The following CACNA1C variants were observed in gnomAD, a reference collection of about 807,000 sequenced individuals.
The protein encoded by CACNA1C is voltage-dependent L-type calcium channel subunit alpha-1C.
In CACNA1C, 30 loss-of-function variants were observed where a neutral mutation model predicts 229.0. That is an observed-to-expected ratio of 0.13 (90% confidence interval 0.10 to 0.18). CACNA1C has a LOEUF of 0.18. Ranked by LOEUF, CACNA1C falls within the 10% of genes least tolerant of loss-of-function variation. The probability of loss-of-function intolerance (pLI) is 1.00; values close to 1 mark genes in which losing one functional copy is unlikely to be tolerated. For missense variants in CACNA1C, 1,658 were observed against 2,845.0 expected, an observed-to-expected ratio of 0.58 and a Z score of 9.49; for synonymous variants, 1,114 against 1,132.5, an observed-to-expected ratio of 0.98 and a Z score of 0.33.
chr12:2,582,740 C>T (rs963962957), intron 14 of CACNA1C, 82 bp from the exon 15 acceptor site: 98 of 1,485,104 alleles, frequency 6.6e-5, no homozygotes, highest in Admixed American at 4.3e-4. Context: ...ATTTTGTTGA[C>T]GTAGTGGGGC....
At chr12:2,688,323 G>A (rs1457524146) in intron 45 of CACNA1C, 124 bp from the exon 46 acceptor site, 1 of 815,232 alleles carries the variant, frequency 1.2e-6, no homozygotes. Flanking sequence ...AATGGCATGG[G>A]AATACCAGGC....
chr12:2,386,079 T>C (rs1236327261), intron 3 of CACNA1C, among the ~76,000 whole-genome samples: 1 of 152,244 alleles, frequency 6.6e-6, no homozygotes, highest in Non-Finnish European at 1.5e-5. Flanking sequence ...TTTCTATTGA[T>C]TGTATCTGCT....
intron 1 of CACNA1C, among the ~76,000 whole-genome samples, chr12:2,074,997 C>A (rs1027187990): frequency 3.9e-5 from 6 of 152,208 alleles, no homozygotes; most frequent in Non-Finnish European, 5.9e-5. Context: ...GTGGAGGGAG[C>A]TCCAGTGGAG....
chr12:2,579,065 C>T (rs1346672271), intron 13 of CACNA1C, among the ~76,000 whole-genome samples: 1 of 152,136 alleles, frequency 6.6e-6, no homozygotes, highest in Non-Finnish European at 1.5e-5. Flanking sequence ...CCTCTCTGCT[C>T]CTCATCTGGG....
At chr12:2,022,651 T>G (rs946125390) in intron 1 of CACNA1C, among the ~76,000 whole-genome samples, 3 of 151,884 alleles carry the variant, frequency 2.0e-5, no homozygotes, top group African/African-American at 7.3e-5. Context: ...CTCTATGTTG[T>G]CCAGTCTGGT....
chr12:2,655,080 C>G (rs2095342417), intron 33 of CACNA1C, 67 bp from the exon 34 acceptor site: 5 of 959,624 alleles, frequency 5.2e-6, no homozygotes, highest in Non-Finnish European at 6.7e-6. Flanking sequence ...GACCATTGAA[C>G]AATGGTGGGA....
At chr12:2,610,302 C>T (rs142674224) in intron 27 of CACNA1C, among the ~76,000 whole-genome samples, 40 of 152,240 alleles carry the variant, frequency 2.6e-4, no homozygotes, top group African/African-American at 9.6e-4. Context: ...GACCTTGTTA[C>T]GGGGATTTGA....
rs1391775151 is a variant in CACNA1C, at chr12:2,191,825, CACAT to C, written c.477+71399_477+71402del. ...GTACACAGGCACACGTATGCACACA[CACAT>C]ACACAGGCACACACATGCACTCACA... On this transcript the variant is annotated intron_variant, in intron 3 of 46. Transcript: ENST00000399655. Among the ~76,000 whole-genome samples the C allele has an allele frequency of 5.5e-5, 7 of 127,066 alleles. No homozygotes were observed. In the South Asian group the frequency reaches 8.0e-4, roughly 15 times the overall value. The allele number at this position is 127,066 out of a possible 152,430, so 83.4% of individuals were successfully genotyped here. A position where few individuals can be genotyped will look rare whatever the true frequency, so the allele number is the denominator to read the frequency against.
chr12:2,510,381 A>T (rs1004996144), intron 8 of CACNA1C, among the ~76,000 whole-genome samples: 5 of 152,172 alleles, frequency 3.3e-5, no homozygotes, highest in Admixed American at 6.5e-5. Flanking sequence ...GGATCCAGCC[A>T]TGCTCCAGAT....
At chr12:2,381,887 T>C (rs2098257723) in intron 3 of CACNA1C, among the ~76,000 whole-genome samples, 1 of 152,188 alleles carries the variant, frequency 6.6e-6, no homozygotes, top group African/African-American at 2.4e-5. Context: ...TGGGAGAAGA[T>C]AGAAACAACT....
intron 1 of CACNA1C, among the ~76,000 whole-genome samples, chr12:1,980,662 G>A (rs952042369): frequency 1.1e-5 from 1 of 90,538 alleles, no homozygotes; most frequent in Non-Finnish European, 2.6e-5. Context: ...TAAATCCAGT[G>A]TTTGGTAATA....
At chr12:2,657,611 G>A (rs2095489482) in intron 34 of CACNA1C, among the ~76,000 whole-genome samples, 1 of 152,142 alleles carries the variant, frequency 6.6e-6, no homozygotes, top group African/African-American at 2.4e-5. Flanking sequence ...ATAATAAAAT[G>A]AGATGGCAGG....
Position 2,585,758 on chromosome 12 carries a change from C to T in CACNA1C, c.2461-77C>T. 1 of 1,142,406 alleles carries T rather than the reference C, an allele frequency of 8.8e-7. No homozygotes were observed. Among genetic ancestry groups the T allele is most frequent in the South Asian group, 1.3e-5 (1 of 75,774 alleles). The allele number at this position is 1,142,406 out of a possible 1,614,324, so 70.8% of individuals were successfully genotyped here. A position where few individuals can be genotyped will look rare whatever the true frequency, so the allele number is the denominator to read the frequency against. On this transcript the variant is annotated intron_variant, in intron 17 of 46. Coordinates refer to ENST00000399655, the MANE Select transcript of CACNA1C (RefSeq NM_000719.7). The surrounding 1 kb of genome is among the most constrained non-coding windows in gnomAD (Gnocchi z 4.1). Reference sequence around the variant, plus strand: ...AGCTAAGTCACTGACTAAAATGCAACTTCAAGGCTACTGCAAGCCTCTTAA... The same window carrying T: ...AGCTAAGTCACTGACTAAAATGCAATTTCAAGGCTACTGCAAGCCTCTTAA...
At chr12:2,273,955 G>A (rs576458271) in intron 3 of CACNA1C, among the ~76,000 whole-genome samples, 1 of 152,308 alleles carries the variant, frequency 6.6e-6, no homozygotes, top group African/African-American at 2.4e-5. Flanking sequence ...CCATGCAAGG[G>A]GTGTGGGCTG....
intron 3 of CACNA1C, among the ~76,000 whole-genome samples, chr12:2,250,369 G>A (rs577211389): frequency 6.6e-6 from 1 of 152,198 alleles, no homozygotes; most frequent in Non-Finnish European, 1.5e-5. Flanking sequence ...GCACAGCACC[G>A]AATCCTGAAG....
At position 2,605,216 on chromosome 12, in the gene CACNA1C, G is replaced by A; in HGVS notation, c.3048+48G>A. 7.6e-7 allele frequency: 1 copy of A among 1,322,116 alleles called. No individual in the cohort carries two copies. Among genetic ancestry groups the A allele is most frequent in the Non-Finnish European group, 1.1e-6 (1 of 915,032 alleles). The allele number at this position is 1,322,116 out of a possible 1,614,324, so 81.9% of individuals were successfully genotyped here. ...GAGTCTCCAGCCAGCCCATTGGGGA[G>A]TGGGAGCTCCACAGAGGTGAGGGGT... On this transcript the variant is annotated intron_variant, in intron 23 of 46. Transcript: ENST00000399655. The surrounding 1 kb of genome is among the most constrained non-coding windows in gnomAD (Gnocchi z 6.2).
intron 43 of CACNA1C, among the ~76,000 whole-genome samples, 169 bp from the exon 44 acceptor site, chr12:2,685,567 G>A (rs2097410400): frequency 6.6e-6 from 1 of 152,106 alleles, no homozygotes; most frequent in African/African-American, 2.4e-5. Context: ...AGACGTCAGG[G>A]GCAGGCCAGA....
At chr12:1,993,200 A>G in intron 1 of CACNA1C, 1 of 1,609,420 alleles carries the variant, frequency 6.2e-7, no homozygotes, top group Non-Finnish European at 8.5e-7. Flanking sequence ...CAAACACTGT[A>G]CAATTTTAAA....
rs769051646 is a variant in CACNA1C at position 2,582,974 on chromosome 12, G to A, written c.2224+32G>A. The A allele has an allele frequency of 8.2e-6, 12 of 1,455,342 alleles. No individual in the cohort carries two copies. The South Asian group carries it at 1.2e-4, about 15-fold the overall frequency. The allele number at this position is 1,455,342 out of a possible 1,614,324, so 90.2% of individuals were successfully genotyped here. A position where few individuals can be genotyped will look rare whatever the true frequency, so the allele number is the denominator to read the frequency against. ...TTTGCTGCTGCCCCCCACCCCTGCG[G>A]CCCCCAGCCCCCAGCCTGCAGCACA... is the stretch of plus-strand genomic sequence containing the variant. On this transcript the variant is annotated intron_variant, in intron 15 of 46. Transcript: ENST00000399655.
Sources: allele counts gnomAD v4.1 joint callset (sites outside exome capture counted in the v4.1 genomes callset), GRCh38; gene constraint gnomAD v4.1.1; non-coding constraint Gnocchi (gnomAD v3.1); transcripts MANE v1.5; gene names NCBI Gene and HGNC (gene_info 2026-07-23, HGNC 2026-07-21).